Variants in CD2AP observed in about 807,000 individuals in gnomAD.
CD2AP encodes CD2 associated protein, also known as CD2-associated protein.
In CD2AP, 46 loss-of-function variants were observed where a neutral mutation model predicts 85.1. That is an observed-to-expected ratio of 0.54 (90% CI 0.43 to 0.69). CD2AP has a LOEUF of 0.69. CD2AP is among the 30% of genes least tolerant of loss of function. The pLI, the probability that CD2AP is intolerant of heterozygous loss-of-function variation, is 0.00. For synonymous variants in CD2AP, 255 were observed against 252.9 expected (o/e 1.01, Z -0.08); for missense variants, 769 against 729.5 (o/e 1.05, Z -0.62).
intron 12 of CD2AP, among the ~76,000 whole-genome samples, chr6:47,598,953 C>T (rs1582608735): frequency 1.3e-5 from 2 of 150,464 alleles, no homozygotes; most frequent in African/African-American, 4.8e-5. Context: ...AATACAGGAG[C>T]ATTCTGTACA....
intron 17 of CD2AP, among the ~76,000 whole-genome samples, chr6:47,615,776 A>T (rs907855782): frequency 4.3e-4 from 41 of 95,834 alleles, no homozygotes; most frequent in East Asian, 1.8e-3. Context: ...TTTTAATTTT[A>T]ATTTTAATTT....
At chr6:47,481,723 G>A (rs546325166) in intron 1 of CD2AP, among the ~76,000 whole-genome samples, 40 of 152,166 alleles carry the variant, frequency 2.6e-4, no homozygotes, top group African/African-American at 9.4e-4. Flanking sequence ...ATTTCTTTAT[G>A]TTACTTTGTT....
intron 5 of CD2AP, among the ~76,000 whole-genome samples, chr6:47,564,279 C>T (rs1302615132): frequency 6.6e-6 from 1 of 151,968 alleles, no homozygotes; most frequent in Non-Finnish European, 1.5e-5. Context: ...CATTTGATAC[C>T]TACTTTTAAC....
At position 47,485,908 on chromosome 6, in the gene CD2AP, TG is replaced by T. The variant is rs1166027632; in HGVS notation, c.4+7663del. 2.6e-5 allele frequency among the ~76,000 whole-genome samples: 4 copies of T among 152,192 alleles called. No homozygotes were observed. The South Asian group carries it at 8.3e-4, about 31-fold the overall frequency. On this transcript the variant is annotated intron_variant, in intron 1 of 17. Coordinates refer to ENST00000359314, the MANE Select transcript of CD2AP (RefSeq NM_012120.3). ...TATACCCTATAGCTTAGGCATGTAG[TG>T]GGCTGTACCATCTAGGTTTAAGTAC...
At chr6:47,515,899 G>A (rs984160726) in intron 2 of CD2AP, among the ~76,000 whole-genome samples, 2 of 151,644 alleles carry the variant, frequency 1.3e-5, no homozygotes, top group Non-Finnish European at 1.5e-5. Context: ...GACACTTGAC[G>A]TAAAGGAAAT....
intron 12 of CD2AP, among the ~76,000 whole-genome samples, chr6:47,597,867 AT>A (rs1339024051): frequency 6.6e-6 from 1 of 150,554 alleles, no homozygotes; most frequent in Non-Finnish European, 1.5e-5. Context: ...TCCTGGAAAG[AT>A]TTCCTCTTTC....
intron 17 of CD2AP, among the ~76,000 whole-genome samples, chr6:47,619,800 T>G (rs891677637): frequency 2.0e-5 from 3 of 152,220 alleles, no homozygotes; most frequent in African/African-American, 7.2e-5. Flanking sequence ...TGGTTTTGAT[T>G]TACATTTCCC....
chr6:47,540,115 A>G (rs1767167397), intron 3 of CD2AP, among the ~76,000 whole-genome samples: 1 of 150,068 alleles, frequency 6.7e-6, no homozygotes, highest in Non-Finnish European at 1.5e-5. Flanking sequence ...CCTGGGAGGC[A>G]GAGATTGCAG....
intron 11 of CD2AP, among the ~76,000 whole-genome samples, chr6:47,586,772 T>A (rs1296358463): frequency 6.6e-6 from 1 of 152,110 alleles, no homozygotes; most frequent in Non-Finnish European, 1.5e-5. Flanking sequence ...AATATGTGAA[T>A]AGATATAGAA....
intron 1 of CD2AP, among the ~76,000 whole-genome samples, chr6:47,499,951 A>C (rs377262117): frequency 6.6e-6 from 1 of 151,894 alleles, no homozygotes; most frequent in Admixed American, 6.6e-5. Context: ...CTGGTCTCGA[A>C]CTCCTGACCT....
intron 4 of CD2AP, among the ~76,000 whole-genome samples, chr6:47,547,363 A>G (rs1378186108): frequency 6.6e-6 from 1 of 152,122 alleles, no homozygotes; most frequent in Non-Finnish European, 1.5e-5. Context: ...ATGCAAATGG[A>G]CAGCAGGAGT....
Position 47,562,102 on chromosome 6 carries a change from C to G in CD2AP, c.541+7336C>G, listed in dbSNP as rs9349414. Reference sequence around the variant, plus strand: ...TTTTAAGGAAATTTAATTTTTCTTCCAAGTTTTAGTTATCTAAACATCGCA... The same window carrying G: ...TTTTAAGGAAATTTAATTTTTCTTCGAAGTTTTAGTTATCTAAACATCGCA... On this transcript the variant is annotated intron_variant, in intron 5 of 17. Coordinates refer to ENST00000359314, the MANE Select transcript of CD2AP (RefSeq NM_012120.3). Among the ~76,000 whole-genome samples, 9 of 152,278 alleles carry G rather than the reference C, an allele frequency of 5.9e-5. No individual in the cohort carries two copies. The East Asian group carries it at 1.7e-3, about 29-fold the overall frequency.
intron 13 of CD2AP, among the ~76,000 whole-genome samples, chr6:47,600,091 A>G (rs147770125): frequency 2.7e-3 from 414 of 151,840 alleles, no homozygotes; most frequent in Non-Finnish European, 5.4e-3. Flanking sequence ...AATTGTTAAT[A>G]TTTTGTGTAG....
rs1179825863 is a variant in CD2AP at position 47,625,778 on chromosome 6, G to A, written c.*1551G>A. On this transcript the variant is annotated 3_prime_UTR_variant, in exon 18 of 18. Coordinates refer to ENST00000359314, the MANE Select transcript of CD2AP (RefSeq NM_012120.3). ...GAGAACTGAAGTAGAAAATAGAAAT[G>A]CCAGTAAACAACATAATGTTTAATT... is the stretch of plus-strand genomic sequence containing the variant. 6.6e-6 allele frequency: 1 copy of A among 151,706 alleles called. No homozygotes were observed. The highest frequency in any genetic ancestry group is 6.6e-5 in the Admixed American group (1 of 15,220). 9.4% of individuals were successfully genotyped at this position (151,706 alleles called of 1,614,324 possible).
chr6:47,527,561 T>G (rs1766762337), intron 2 of CD2AP, among the ~76,000 whole-genome samples: 1 of 152,236 alleles, frequency 6.6e-6, no homozygotes, highest in Non-Finnish European at 1.5e-5. Context: ...TCTTATTTCC[T>G]GTGGACACAG....
intron 15 of CD2AP, 22 bp downstream of exon 15, chr6:47,608,050 G>C (rs367763749): frequency 5.6e-5 from 86 of 1,530,352 alleles, no homozygotes; most frequent in Non-Finnish European, 7.3e-5. Flanking sequence ...TGTGGTCTAA[G>C]GTTTGTTGAC....
intron 1 of CD2AP, among the ~76,000 whole-genome samples, chr6:47,498,012 T>A (rs899381681): frequency 6.6e-6 from 1 of 152,186 alleles, no homozygotes; most frequent in Non-Finnish European, 1.5e-5. Flanking sequence ...TCCTCTGTTT[T>A]GGTTCATATT....
chr6:47,525,216 C>T (rs1766690504), intron 2 of CD2AP, among the ~76,000 whole-genome samples: 2 of 151,998 alleles, frequency 1.3e-5, no homozygotes, highest in Admixed American at 6.6e-5. Flanking sequence ...ACCAGATAAA[C>T]ATTTAATTCT....
intron 2 of CD2AP, among the ~76,000 whole-genome samples, chr6:47,508,602 A>G (rs1373433852): frequency 1.4e-5 from 2 of 143,718 alleles, no homozygotes; most frequent in Non-Finnish European, 3.0e-5. Flanking sequence ...GTGGAGTGCA[A>G]TAGCACGATT....
Sources: allele counts gnomAD v4.1 joint callset (sites outside exome capture counted in the v4.1 genomes callset), GRCh38; gene constraint gnomAD v4.1.1; transcripts MANE v1.5; gene names NCBI Gene and HGNC (gene_info 2026-07-23, HGNC 2026-07-21).